The following JAKMIP2 variants were observed in gnomAD, a reference collection of about 807,000 sequenced individuals.
The protein encoded by JAKMIP2 is janus kinase and microtubule interacting protein 2, also known as janus kinase and microtubule-interacting protein 2.
Under a neutral mutation model 115.0 loss-of-function variants are expected in JAKMIP2, and 25 were observed. The ratio of observed to expected loss-of-function variants is 0.22; its 90% CI spans 0.16 to 0.30. The LOEUF is 0.30. Ranked by LOEUF, JAKMIP2 falls within the 10% of genes least tolerant of loss-of-function variation. The probability of loss-of-function intolerance (pLI) is 1.00; values close to 1 mark genes in which losing one functional copy is unlikely to be tolerated. For missense variants in JAKMIP2, 642 were observed against 957.6 expected (o/e 0.67, Z 4.35); for synonymous variants, 334 against 343.6 (o/e 0.97, Z 0.31).
chr5:147,639,860 A>G (rs1581336986), intron 9 of JAKMIP2, 100 bp from the exon 10 acceptor site: 1 of 1,402,126 alleles, frequency 7.1e-7, no homozygotes, highest in East Asian at 2.3e-5. Flanking sequence ...CAAGAAGTAA[A>G]AGGTTGTTTA....
chr5:147,657,802 G>A (rs938510663), intron 3 of JAKMIP2, among the ~76,000 whole-genome samples: 6 of 151,682 alleles, frequency 4.0e-5, no homozygotes, highest in Admixed American at 6.6e-5. Flanking sequence ...TTTGGCTATC[G>A]ATACTTGTGT....
At chr5:147,719,597 A>ATGTAATGGCTGTCTTTG (rs1753173977) in intron 1 of JAKMIP2, among the ~76,000 whole-genome samples, 1 of 152,132 alleles carries the variant, frequency 6.6e-6, no homozygotes, top group South Asian at 2.1e-4. Context: ...CTTTACCATT[A>ATGTAATGGCTGTCTTTG]TGTAATGGCT....
chr5:147,699,943 G>A (rs1370887074), intron 1 of JAKMIP2, among the ~76,000 whole-genome samples: 1 of 152,338 alleles, frequency 6.6e-6, no homozygotes, highest in Non-Finnish European at 1.5e-5. Context: ...GAAGCCTCAC[G>A]TCATCCTTCA....
At chr5:147,728,593 A>G (rs1753607792) in intron 1 of JAKMIP2, among the ~76,000 whole-genome samples, 1 of 152,240 alleles carries the variant, frequency 6.6e-6, no homozygotes, top group South Asian at 2.1e-4. Context: ...ATGTTTATAT[A>G]TGAAAGAGCT....
intron 18 of JAKMIP2, among the ~76,000 whole-genome samples, chr5:147,618,822 A>G (rs1339292790): frequency 6.6e-6 from 1 of 152,182 alleles, no homozygotes; most frequent in East Asian, 1.9e-4. Context: ...CGGTGGCCAT[A>G]CTTCTGGAAA....
intron 10 of JAKMIP2, among the ~76,000 whole-genome samples, chr5:147,638,575 T>C (rs2126709778): frequency 6.6e-6 from 1 of 152,300 alleles, no homozygotes; most frequent in South Asian, 2.1e-4. Flanking sequence ...TGCATGCTAC[T>C]GTTGAAAAAT....
intron 20 of JAKMIP2, among the ~76,000 whole-genome samples, chr5:147,604,095 T>C (rs761927016): frequency 2.0e-5 from 3 of 152,118 alleles, no homozygotes; most frequent in Non-Finnish European, 2.9e-5. Flanking sequence ...ATGGAAGATA[T>C]TAAGTGTGGT....
Position 147,660,994 on chromosome 5 carries a change from G to C in JAKMIP2, c.581C>G (p.Ala194Gly). ...CGACTCCCACTTGATCTTCGAGATGGCTTCTTGGTGGGACTGATGCTCACT... is the reference window on the plus strand; with the variant it reads ...CGACTCCCACTTGATCTTCGAGATGCCTTCTTGGTGGGACTGATGCTCACT... ...LRSEHQSHQE[A>G]ISKIKWESER... Residue 194 changes from alanine to glycine, a missense_variant, in exon 3 of 22, where the codon GCC becomes GGC. Ala to Gly is a moderately conservative substitution (Grantham distance 60). This residue lies in a region of JAKMIP2 where 439 missense variants were observed against 570.9 expected (regional missense o/e 0.77). Transcript: ENST00000616793. 1 of 1,613,962 alleles carries C rather than the reference G, an allele frequency of 6.2e-7. No homozygotes were observed.
intron 1 of JAKMIP2, among the ~76,000 whole-genome samples, chr5:147,691,058 C>A (rs1000186785): frequency 2.0e-5 from 3 of 152,106 alleles, no homozygotes; most frequent in African/African-American, 4.8e-5. Context: ...TGACGGACTA[C>A]TCCAGTCAAA....
intron 1 of JAKMIP2, among the ~76,000 whole-genome samples, chr5:147,696,221 G>C (rs1050063576): frequency 6.6e-6 from 1 of 152,098 alleles, no homozygotes; most frequent in Non-Finnish European, 1.5e-5. Flanking sequence ...GATATGGTTT[G>C]GCTGTGTCCC....
intron 1 of JAKMIP2, among the ~76,000 whole-genome samples, chr5:147,772,614 A>G (rs73794504): frequency 6.6e-6 from 1 of 152,090 alleles, no homozygotes; most frequent in African/African-American, 2.4e-5. Flanking sequence ...AAATTTGGAT[A>G]AAAGTGTGTT....
intron 1 of JAKMIP2, among the ~76,000 whole-genome samples, chr5:147,756,363 T>C (rs1441979594): frequency 6.6e-6 from 1 of 152,124 alleles, no homozygotes; most frequent in East Asian, 1.9e-4. Flanking sequence ...ACACACAAAT[T>C]AGAGCATTCT....
chr5:147,695,059 A>C (rs528873567), intron 1 of JAKMIP2, among the ~76,000 whole-genome samples: 2 of 152,298 alleles, frequency 1.3e-5, no homozygotes, highest in Admixed American at 1.3e-4. Context: ...TTCTCCCTTC[A>C]TTCTCAAATT....
At chr5:147,639,913 G>A (rs558468181) in intron 9 of JAKMIP2, among the ~76,000 whole-genome samples, 153 bp from the exon 10 acceptor site, 60 of 152,100 alleles carry the variant, frequency 3.9e-4, no homozygotes, top group African/African-American at 7.0e-4. Context: ...GTGTATATAC[G>A]GGCACAAATA....
intron 21 of JAKMIP2, among the ~76,000 whole-genome samples, chr5:147,596,044 A>T (rs189170539): frequency 4.6e-5 from 7 of 152,308 alleles, no homozygotes; most frequent in Non-Finnish European, 7.3e-5. Flanking sequence ...GAAGGGAAGC[A>T]TTCTGTGCAC....
At chr5:147,650,647 G>A in intron 3 of JAKMIP2, 100 bp from the exon 4 acceptor site, 2 of 881,672 alleles carry the variant, frequency 2.3e-6, no homozygotes, top group African/African-American at 1.7e-5. Flanking sequence ...GATTGATACA[G>A]AAAAAAAATC....
At chr5:147,733,367 A>C (rs989872653) in intron 1 of JAKMIP2, among the ~76,000 whole-genome samples, 1 of 152,118 alleles carries the variant, frequency 6.6e-6, no homozygotes, top group African/African-American at 2.4e-5. Flanking sequence ...TGCCTTTCCT[A>C]ATTATTATCC....
At chr5:147,607,590 G>C (rs1756093919) in intron 20 of JAKMIP2, among the ~76,000 whole-genome samples, 1 of 152,150 alleles carries the variant, frequency 6.6e-6, no homozygotes, top group South Asian at 2.1e-4. Context: ...ATTTTATTGA[G>C]GATTGTCACA....
intron 3 of JAKMIP2, among the ~76,000 whole-genome samples, chr5:147,658,372 C>G (rs1048171099): frequency 6.6e-6 from 1 of 152,200 alleles, no homozygotes; most frequent in Non-Finnish European, 1.5e-5. Flanking sequence ...GCTGCCTGCT[C>G]TTTCCTCTGG....
Sources: allele counts gnomAD v4.1 joint callset (sites outside exome capture counted in the v4.1 genomes callset), GRCh38; gene constraint gnomAD v4.1.1; regional missense constraint gnomAD v4.1.1; transcripts MANE v1.5; gene names NCBI Gene and HGNC (gene_info 2026-07-23, HGNC 2026-07-21).